The following ALG6 variants were observed in gnomAD, a reference collection of about 807,000 sequenced individuals.
ALG6 encodes the protein ALG6 alpha-1,3-glucosyltransferase, also known as dolichyl pyrophosphate Man9GlcNAc2 alpha-1,3-glucosyltransferase.
A neutral mutation model predicts 66.6 loss-of-function variants in ALG6; 46 were observed. That is an observed-to-expected ratio of 0.69 (90% confidence interval 0.55 to 0.88). ALG6 has a LOEUF of 0.88. Ranked by LOEUF, ALG6 falls within the 40% of genes least tolerant of loss-of-function variation. The probability of loss-of-function intolerance (pLI) is 0.00; values close to 1 mark genes in which losing one functional copy is unlikely to be tolerated. For synonymous variants in ALG6, 185 were observed against 203.7 expected (o/e 0.91, Z 0.78); for missense variants, 505 against 586.8 (o/e 0.86, Z 1.44).
chr1:63,403,696 G>A (rs1448798325), intron 4 of ALG6, among the ~76,000 whole-genome samples: 1 of 10,140 alleles, frequency 9.9e-5, no homozygotes, highest in Non-Finnish European at 1.5e-4. Context: ...ATATCTAGGC[G>A]TATAGCATAG....
intron 14 of ALG6, among the ~76,000 whole-genome samples, chr1:63,435,435 C>T (rs1160763735): frequency 6.6e-6 from 1 of 152,108 alleles, no homozygotes; most frequent in African/African-American, 2.4e-5. Flanking sequence ...TGGCGCCTAT[C>T]CTCGCTTTTC....
At chr1:63,402,110 T>C in intron 3 of ALG6, 144 bp from the exon 4 acceptor site, 1 of 669,404 alleles carries the variant, frequency 1.5e-6, no homozygotes, top group East Asian at 2.8e-5. Flanking sequence ...TTTGTGTCTA[T>C]TGACATGGCT....
rs1644630271 is a variant in ALG6, at chr1:63,428,786, T to C, written c.1112T>C (p.Leu371Pro). 2 of 1,610,086 alleles carry C rather than the reference T, an allele frequency of 1.2e-6. No individual in the cohort carries two copies. Among genetic ancestry groups the C allele is most frequent in the Non-Finnish European group, 1.7e-6 (2 of 1,177,276 alleles). The change falls in exon 13 of 15, where the codon CTT becomes CCT. Residue 371 changes from leucine (L) to proline (P), a missense_variant. Coordinates refer to ENST00000263440, the MANE Select transcript of ALG6 (RefSeq NM_013339.4). ...EIPFMSTWFL[L>P]VSTFSMLPLL... ...CCTTTTATGTCTACTTGGTTTTTAC[T>C]TGTGTCAACATTTAGGTAAGTCATA...
intron 11 of ALG6, among the ~76,000 whole-genome samples, chr1:63,416,666 G>T (rs1644547254): frequency 6.6e-6 from 1 of 151,928 alleles, no homozygotes; most frequent in African/African-American, 2.4e-5. Flanking sequence ...AGAAGGAGAG[G>T]GGGCAGATCT....
rs569396443 is a variant in ALG6, at chr1:63,370,466, A to G, written c.-207-305A>G. On this transcript the variant is annotated intron_variant, in intron 1 of 14. Transcript: ENST00000263440. ...ACCTGTAGGTGAATGTGTTCTAAAT[A>G]GAATTGACTGTGTCATTATCTACAT... Among the ~76,000 whole-genome samples, 18 of 152,352 alleles carry G rather than the reference A, an allele frequency of 1.2e-4. No homozygotes were observed. In the South Asian group the frequency reaches 3.7e-3, roughly 32 times the overall value.
intron 2 of ALG6, among the ~76,000 whole-genome samples, chr1:63,384,624 C>T (rs1463091725): frequency 3.3e-5 from 5 of 152,042 alleles, no homozygotes; most frequent in African/African-American, 9.7e-5. Context: ...AGTGTGAGGT[C>T]GTATATTTAA....
chr1:63,380,352 G>C (rs1194428435), intron 2 of ALG6, among the ~76,000 whole-genome samples: 1 of 152,176 alleles, frequency 6.6e-6, no homozygotes, highest in African/African-American at 2.4e-5. Context: ...GTTCGTGAAC[G>C]GAAGAAAGGA....
chr1:63,394,382 T>G (rs1454039655), intron 2 of ALG6, among the ~76,000 whole-genome samples: 3 of 152,116 alleles, frequency 2.0e-5, no homozygotes, highest in Non-Finnish European at 4.4e-5. Flanking sequence ...TTTTTTTTCT[T>G]TCTTTCTTTT....
intron 8 of ALG6, 24 bp downstream of exon 8, chr1:63,411,355 A>T: frequency 6.2e-7 from 1 of 1,605,384 alleles, no homozygotes; most frequent in Non-Finnish European, 8.5e-7. Flanking sequence ...AAACACTAGA[A>T]TCCAAAAATT....
intron 2 of ALG6, among the ~76,000 whole-genome samples, chr1:63,391,097 GT>G (rs556820711): frequency 6.6e-6 from 1 of 152,058 alleles, no homozygotes; most frequent in Non-Finnish European, 1.5e-5. Flanking sequence ...GTCATAGTTT[GT>G]TTTTTAATAT....
In ALG6 at chr1:63,414,157, CAA is replaced by C; in HGVS notation, c.902+13_902+14del. On this transcript the variant is annotated intron_variant, in intron 10 of 14. Coordinates refer to ENST00000263440, the MANE Select transcript of ALG6 (RefSeq NM_013339.4). ...CCAATTAATAATGAGGTAAGAGAAA[CAA>C]AGTTTGTATGTAGTATTTTATAAGT... The C allele has an allele frequency of 6.4e-7, 1 of 1,556,888 alleles. No individual in the cohort carries two copies. The highest frequency in any genetic ancestry group is 8.9e-7 in the Non-Finnish European group (1 of 1,128,738).
intron 4 of ALG6, among the ~76,000 whole-genome samples, chr1:63,402,592 G>C (rs927660588): frequency 8.1e-5 from 12 of 147,990 alleles, no homozygotes; most frequent in African/African-American, 2.5e-4. Flanking sequence ...TCAGCCTCCT[G>C]AGTAGCTGGG....
intron 5 of ALG6, among the ~76,000 whole-genome samples, chr1:63,404,893 G>A (rs894844169): frequency 1.6e-4 from 25 of 152,174 alleles, no homozygotes; most frequent in African/African-American, 5.8e-4. Context: ...TTTTTAGGGT[G>A]CTGCTTTAAT....
chr1:63,401,715 T>A (rs1644466263), intron 3 of ALG6, among the ~76,000 whole-genome samples: 1 of 152,044 alleles, frequency 6.6e-6, no homozygotes, highest in Non-Finnish European at 1.5e-5. Context: ...TATTTATGGG[T>A]TATATAGTTT....
intron 14 of ALG6, among the ~76,000 whole-genome samples, chr1:63,431,380 A>G (rs749532049): frequency 6.6e-5 from 10 of 152,212 alleles, no homozygotes; most frequent in Non-Finnish European, 1.2e-4. Flanking sequence ...TGAGATTTTG[A>G]TAGGGACTGA....
At chr1:63,428,613 C>A (rs1257426726) in intron 12 of ALG6, 120 bp from the exon 13 acceptor site, 6 of 747,224 alleles carry the variant, frequency 8.0e-6, no homozygotes, top group Non-Finnish European at 1.3e-5. Flanking sequence ...TGAAGACCTT[C>A]CTGGCTGTTT....
chr1:63,413,434 C>A (rs1343727177), intron 9 of ALG6, among the ~76,000 whole-genome samples: 1 of 152,126 alleles, frequency 6.6e-6, no homozygotes. Flanking sequence ...TTTCTTTGAT[C>A]CAGCAGAGGA....
rs1644683154 is a variant in ALG6, at chr1:63,437,057, G to A, written c.*37G>A. ...AACAAATTGTTTCCTAAACAAATGT[G>A]AAAATGTGAACAGTGCTGAAAGGTT... On this transcript the variant is annotated 3_prime_UTR_variant, in exon 15 of 15. Coordinates refer to ENST00000263440, the MANE Select transcript of ALG6 (RefSeq NM_013339.4). 1 of 1,579,366 alleles carries A rather than the reference G, an allele frequency of 6.3e-7. No homozygotes were observed. Among genetic ancestry groups the A allele is most frequent in the African/African-American group, 1.3e-5 (1 of 74,366 alleles).
intron 1 of ALG6, 40 bp downstream of exon 1, chr1:63,367,727 A>C (rs1647771984): frequency 1.3e-5 from 2 of 152,224 alleles, no homozygotes; most frequent in Non-Finnish European, 2.9e-5. Flanking sequence ...ACCCCAGGCC[A>C]GTGTGGGGAG....
Sources: allele counts gnomAD v4.1 joint callset (sites outside exome capture counted in the v4.1 genomes callset), GRCh38; gene constraint gnomAD v4.1.1; transcripts MANE v1.5; gene names NCBI Gene and HGNC (gene_info 2026-07-23, HGNC 2026-07-21).